Variants in ITPR1 observed in about 807,000 individuals in gnomAD.
ITPR1 encodes the protein inositol 1,4,5-trisphosphate-gated calcium channel ITPR1.
In ITPR1, 96 loss-of-function variants were observed where a neutral mutation model predicts 318.4. The observed-to-expected ratio is 0.30, with a 90% CI of 0.26 to 0.36. The LOEUF is 0.36. Ranked by LOEUF, ITPR1 falls within the 10% of genes least tolerant of loss-of-function variation. The pLI, the probability that ITPR1 is intolerant of heterozygous loss-of-function variation, is 1.00. For missense variants in ITPR1, 2,440 were observed against 3,460.2 expected (o/e 0.71, Z 7.40); for synonymous variants, 1,312 against 1,289.9 (o/e 1.02, Z -0.37).
intron 54 of ITPR1, among the ~76,000 whole-genome samples, chr3:4,802,837 GAAAGAAAGAAA>G (rs1348434443): frequency 3.4e-5 from 5 of 146,218 alleles, no homozygotes; most frequent in African/African-American, 1.3e-4. Context: ...AAAAAAAAAA[GAAAGAAAGAAA>G]GAGAAAGAAA....
intron 36 of ITPR1, 88 bp downstream of exon 36, chr3:4,703,038 A>G (rs2094688453): frequency 5.6e-6 from 8 of 1,429,412 alleles, no homozygotes; most frequent in Non-Finnish European, 7.7e-6. Flanking sequence ...ACTCATTACA[A>G]CTCTTCTAAA....
Position 4,699,825 on chromosome 3 carries a change from A to G in ITPR1, c.4420A>G (p.Thr1474Ala). The stretch of plus-strand genomic sequence containing the variant: ...ACTTGTCTTCCAGGCCTGTAACAAC[A>G]CTAGTGACAGGAAACATGCAGACTC... ...LVDICRACNN[T>A]SDRKHADSIL... The change falls in exon 35 of 62, where the codon ACT becomes GCT. Residue 1474 changes from threonine (T) to alanine (A), a missense_variant. Thr to Ala is a moderately conservative substitution (Grantham distance 58). Coordinates refer to ENST00000649015, the MANE Select transcript of ITPR1 (RefSeq NM_001378452.1). The G allele has an allele frequency of 6.2e-7, 1 of 1,613,876 alleles. No individual in the cohort carries two copies. The highest frequency in any genetic ancestry group is 8.5e-7 in the Non-Finnish European group (1 of 1,179,798).
rs187460253 is a variant in ITPR1, at chr3:4,631,633, T to C, written c.279+3755T>C. ...ATTGTTGTGCCTTTTGGGATTATGA[T>C]CGTATCTTTTTCCAAAATAATCAGC... On this transcript the variant is annotated intron_variant, in intron 5 of 61. Transcript: ENST00000649015. Among the ~76,000 whole-genome samples, 36 of 152,314 alleles carry C rather than the reference T, an allele frequency of 2.4e-4. 1 individual carries two copies. Among genetic ancestry groups the C allele is most frequent in the Admixed American group, 2.0e-3 (31 of 15,298 alleles).
chr3:4,701,239 G>T (rs1451162374), intron 35 of ITPR1, among the ~76,000 whole-genome samples: 1 of 152,194 alleles, frequency 6.6e-6, no homozygotes, highest in Non-Finnish European at 1.5e-5. Context: ...GGGCTGTTGG[G>T]TTCTCATCCC....
intron 37 of ITPR1, among the ~76,000 whole-genome samples, chr3:4,709,428 C>T (rs1574959409): frequency 6.6e-6 from 1 of 152,130 alleles, no homozygotes; most frequent in East Asian, 1.9e-4. Context: ...TTTGTCAATC[C>T]CAACTGGGTC....
intron 4 of ITPR1, among the ~76,000 whole-genome samples, chr3:4,590,344 G>A (rs191430840): frequency 6.6e-6 from 1 of 151,902 alleles, no homozygotes; most frequent in Admixed American, 6.6e-5. Flanking sequence ...ACCTGGAACA[G>A]TGTCTGGCCA....
At chr3:4,568,762 A>C (rs1221133420) in intron 4 of ITPR1, among the ~76,000 whole-genome samples, 1 of 152,148 alleles carries the variant, frequency 6.6e-6, no homozygotes, top group African/African-American at 2.4e-5. Flanking sequence ...TGAGGCTGAA[A>C]ATGTTGATGA....
chr3:4,617,746 G>C (rs934665729), intron 4 of ITPR1, among the ~76,000 whole-genome samples: 5 of 152,048 alleles, frequency 3.3e-5, no homozygotes, highest in Non-Finnish European at 5.9e-5. Flanking sequence ...CACTTTGGGA[G>C]GCCAAGGTGG....
intron 39 of ITPR1, among the ~76,000 whole-genome samples, chr3:4,716,212 A>G (rs946828047): frequency 1.1e-4 from 17 of 152,328 alleles, no homozygotes; most frequent in Non-Finnish European, 2.5e-4. Flanking sequence ...GTCTGTGTTG[A>G]AAAGAAAATA....
intron 48 of ITPR1, 40 bp downstream of exon 48, chr3:4,777,414 C>T (rs1334380229): frequency 7.7e-7 from 1 of 1,302,834 alleles, no homozygotes; most frequent in Non-Finnish European, 1.1e-6. Flanking sequence ...CATTTGGAAA[C>T]AGTCACTTTT....
chr3:4,529,811 T>C (rs2083268460), intron 4 of ITPR1, among the ~76,000 whole-genome samples: 1 of 152,358 alleles, frequency 6.6e-6, no homozygotes, highest in Admixed American at 6.5e-5. Context: ...TATAATCTAT[T>C]TAATTAATAT....
At chr3:4,513,157 G>A (rs547041030) in intron 2 of ITPR1, among the ~76,000 whole-genome samples, 1 of 152,286 alleles carries the variant, frequency 6.6e-6, no homozygotes, top group Non-Finnish European at 1.5e-5. Flanking sequence ...ACAACAGGAA[G>A]TCTTCCAGAA....
intron 46 of ITPR1, 145 bp downstream of exon 46, chr3:4,768,909 T>TTA: frequency 1.4e-6 from 1 of 737,862 alleles, no homozygotes; most frequent in Non-Finnish European, 2.1e-6. Flanking sequence ...TTTTTCTTTT[T>TTA]TCTTTTTTCT....
Position 4,652,326 on chromosome 3 carries a change from A to C in ITPR1, c.951+108A>C, listed in dbSNP as rs6442896. The C allele has an allele frequency of 0.86, 629,228 of 734,048 alleles. 271,815 individuals are homozygous for C. The highest frequency in any genetic ancestry group is 1 in the East Asian group (36,008 of 36,018). The allele number at this position is 734,048 out of a possible 1,614,324, so 45.5% of individuals were successfully genotyped here. ...GTAAAAGGCTTAGGGAAATACACTC[A>C]GTCACCTTGCTTTTCCTCCTGTTTT... is the stretch of plus-strand genomic sequence containing the variant. On this transcript the variant is annotated intron_variant, in intron 11 of 61. Coordinates refer to ENST00000649015, the MANE Select transcript of ITPR1 (RefSeq NM_001378452.1).
intron 4 of ITPR1, among the ~76,000 whole-genome samples, chr3:4,611,056 T>A (rs1218853733): frequency 2.2e-5 from 1 of 45,296 alleles, no homozygotes; most frequent in South Asian, 9.1e-4. Flanking sequence ...CCTCCCTCCC[T>A]CCCTTCCTTC....
At chr3:4,577,206 C>T (rs1002904181) in intron 4 of ITPR1, among the ~76,000 whole-genome samples, 7 of 152,104 alleles carry the variant, frequency 4.6e-5, no homozygotes, top group Admixed American at 1.3e-4. Context: ...TGGCACAGGA[C>T]GAGCCACACG....
At chr3:4,684,977 C>A in intron 29 of ITPR1, 92 bp from the exon 30 acceptor site, 4 of 1,269,472 alleles carry the variant, frequency 3.2e-6, no homozygotes, top group Non-Finnish European at 4.5e-6. Context: ...GCATTATAAT[C>A]CCCTTTGCCT....
chr3:4,501,332 T>C (rs1232940419), intron 2 of ITPR1, among the ~76,000 whole-genome samples: 1 of 152,210 alleles, frequency 6.6e-6, no homozygotes, highest in East Asian at 1.9e-4. Context: ...CAGTCAAAAG[T>C]TTGAGAAACA....
At chr3:4,511,302 C>G (rs1384199154) in intron 2 of ITPR1, among the ~76,000 whole-genome samples, 1 of 152,006 alleles carries the variant, frequency 6.6e-6, no homozygotes, top group Non-Finnish European at 1.5e-5. Flanking sequence ...TCTTCCCTGC[C>G]CCCCCTTTTT....
Sources: gnomAD v4.1 joint callset for allele counts (sites outside exome capture counted in the v4.1 genomes callset) on GRCh38, gnomAD v4.1.1 for gene constraint, MANE v1.5 for transcripts, NCBI Gene and HGNC (gene_info 2026-07-23, HGNC 2026-07-21) for gene names.